IFRD1: variants seen among roughly 807,000 people sequenced by gnomAD.
IFRD1 encodes the protein interferon related developmental regulator 1, also known as interferon-related developmental regulator 1.
A neutral mutation model predicts 52.9 loss-of-function variants in IFRD1; 35 were observed. The ratio of observed to expected loss-of-function variants is 0.66; its 90% confidence interval spans 0.51 to 0.88. The LOEUF (loss-of-function observed/expected upper bound fraction) is 0.88. Ranked by LOEUF, IFRD1 falls within the 40% of genes least tolerant of loss-of-function variation. The pLI is 0.00. For missense variants in IFRD1, 517 were observed against 550.8 expected, an observed-to-expected ratio of 0.94 and a Z score of 0.61; for synonymous variants, 184 against 188.4, an observed-to-expected ratio of 0.98 and a Z score of 0.19.
At position 112,476,639 on chromosome 7, in the gene IFRD1, C is replaced by T. The variant is rs1795910703; in HGVS notation, c.*1120C>T. ...ACTCCAGCCTGGGTGACGAGTGAGACCTTGTCTCAAAAGCAAAACAAAAAA... is the reference window on the plus strand; with the variant it reads ...ACTCCAGCCTGGGTGACGAGTGAGATCTTGTCTCAAAAGCAAAACAAAAAA... On this transcript the variant is annotated 3_prime_UTR_variant, in exon 12 of 12. Coordinates refer to ENST00000403825, the MANE Select transcript of IFRD1 (RefSeq NM_001550.4). 1 of 152,116 alleles carries T rather than the reference C, an allele frequency of 6.6e-6. No homozygotes were observed. The highest frequency in any genetic ancestry group is 1.5e-5 in the Non-Finnish European group (1 of 68,034). 9.4% of individuals were successfully genotyped at this position (152,116 alleles called of 1,614,324 possible).
In IFRD1 at chr7:112,434,150, C is replaced by T. The variant is rs181418285; in HGVS notation, c.-182+10718C>T. 9.3e-4 allele frequency among the ~76,000 whole-genome samples: 142 copies of T among 152,238 alleles called. 1 individual carries two copies. Among genetic ancestry groups the T allele is most frequent in the Non-Finnish European group, 7.4e-5 (5 of 68,024 alleles). ...CTTATTTTTTAATTGATGAGCATGT[C>T]TTGCTCTCTGTTCGAGGTATTTTAA... On this transcript the variant is annotated intron_variant, in intron 1 of 12. Transcript: ENST00000005558.
chr7:112,461,612 G>A (rs938283749), intron 5 of IFRD1: 4 of 256,736 alleles, frequency 1.6e-5, no homozygotes, highest in Non-Finnish European at 2.9e-5. Context: ...ATCAATAAAA[G>A]AAGACTGAAG....
chr7:112,423,489 G>A (rs1475881464), intron 1 of IFRD1: 1 of 152,172 alleles, frequency 6.6e-6, no homozygotes. Context: ...TGTTAAATTG[G>A]TCAAGGACTA....
rs1313873182 is a variant in IFRD1, at chr7:112,462,276, C to G, written c.804C>G (p.Phe268Leu). 6.2e-7 allele frequency: 1 copy of G among 1,613,144 alleles called. No homozygotes were observed. Among genetic ancestry groups the G allele is most frequent in the East Asian group, 2.2e-5 (1 of 44,858 alleles). ...ATGACTAACTATTTTTTAGGCATTT[C>G]CATAAGCTTCCAAGCCTCCTCTCTT... The part of the protein sequence containing the change: ...NEVKKKLEMH[F>L]HKLPSLLSCD... The change falls in exon 8 of 12, where the codon TTC (phenylalanine) becomes TTG (leucine). Residue 268 changes from phenylalanine (F) to leucine (L), a missense_variant. By Grantham distance (22) the Phe-to-Leu change is conservative. Coordinates refer to ENST00000403825, the MANE Select transcript of IFRD1 (RefSeq NM_001550.4).
chr7:112,442,546 A>G (rs1393731557), intron 1 of IFRD1, among the ~76,000 whole-genome samples: 4 of 152,172 alleles, frequency 2.6e-5, no homozygotes. Flanking sequence ...CTCTCCAGGG[A>G]GCCTATGGAC....
At position 112,423,802 on chromosome 7, in the gene IFRD1, G is replaced by A. The variant is rs112378294; in HGVS notation, c.-182+370G>A. Among the ~76,000 whole-genome samples the A allele has an allele frequency of 1.9e-4, 29 of 152,260 alleles. 2 individuals carry two copies. The highest frequency in any genetic ancestry group is 4.3e-4 in the African/African-American group (18 of 41,552). ...GCTCATGTAACATCTTTTCAAGATC[G>A]ACATGCTTTGTTATCTCCATTTTTC... On this transcript the variant is annotated intron_variant, in intron 1 of 12. Coordinates refer to the IFRD1 transcript ENST00000005558.
intron 8 of IFRD1, among the ~76,000 whole-genome samples, chr7:112,466,475 G>A (rs957240967): frequency 6.6e-6 from 1 of 152,068 alleles, no homozygotes; most frequent in Non-Finnish European, 1.5e-5. Flanking sequence ...GGTGGGGGCT[G>A]TCTTGTGCAT....
At chr7:112,455,740 C>T (rs1458780502) in intron 1 of IFRD1, 23 bp from the exon 2 acceptor site, 1 of 1,478,778 alleles carries the variant, frequency 6.8e-7, no homozygotes, top group East Asian at 2.3e-5. Context: ...AATAATTTAC[C>T]TCTTTCCTCT....
In IFRD1 at chr7:112,450,725, G is replaced by T. The variant is rs1478053739; in HGVS notation, c.37G>T (p.Gly13Cys). The T allele has an allele frequency of 6.2e-7, 1 of 1,612,926 alleles. No individual in the cohort carries two copies. The highest frequency in any genetic ancestry group is 8.5e-7 in the Non-Finnish European group (1 of 1,179,896). The part of the protein sequence containing the change: ...KNKKRNTPHR[G>C]SSAGGGGSGA... Reference sequence around the variant, plus strand: ...CAAGAAGCGGAACACTCCCCACCGCGGTAGCAGTGCTGGCGGCGGCGGGTC... The same window carrying T: ...CAAGAAGCGGAACACTCCCCACCGCTGTAGCAGTGCTGGCGGCGGCGGGTC... Residue 13 changes from glycine (G) to cysteine (C), a missense_variant, in exon 1 of 12, where the codon GGT becomes TGT. Physicochemically the swap from Gly to Cys is radical, Grantham distance 159. Coordinates refer to ENST00000403825, the MANE Select transcript of IFRD1 (RefSeq NM_001550.4).
At chr7:112,436,580 A>G (rs1794698976) in intron 1 of IFRD1, among the ~76,000 whole-genome samples, 1 of 152,128 alleles carries the variant, frequency 6.6e-6, no homozygotes, top group Non-Finnish European at 1.5e-5. Flanking sequence ...AGATGAATAA[A>G]GCAGAACCTC....
At chr7:112,470,809 T>A (rs1192456159) in intron 9 of IFRD1, among the ~76,000 whole-genome samples, 1 of 152,214 alleles carries the variant, frequency 6.6e-6, no homozygotes, top group Non-Finnish European at 1.5e-5. Flanking sequence ...TGTAAATAGT[T>A]GTTATACTTT....
chr7:112,436,257 T>C (rs1794688412), intron 1 of IFRD1, among the ~76,000 whole-genome samples: 1 of 152,224 alleles, frequency 6.6e-6, no homozygotes, highest in Non-Finnish European at 1.5e-5. Context: ...CCTTAAAATT[T>C]TCTTTTTAAA....
At chr7:112,467,903 A>T (rs765230541) in intron 8 of IFRD1, 78 bp from the exon 9 acceptor site, 2 of 1,336,892 alleles carry the variant, frequency 1.5e-6, no homozygotes, top group Non-Finnish European at 2.1e-6. Context: ...CCAAATGTAG[A>T]CTGTTCTTTG....
chr7:112,453,351 G>T (rs1213311345), intron 1 of IFRD1, among the ~76,000 whole-genome samples: 3 of 152,170 alleles, frequency 2.0e-5, no homozygotes, highest in African/African-American at 7.2e-5. Context: ...TGTGCCTAGA[G>T]TGCCATCTCT....
At chr7:112,450,403 CAG>C (rs1795121551), upstream of IFRD1, 22 of 478,764 alleles carry the variant, frequency 4.6e-5, no homozygotes, top group South Asian at 2.7e-4. Context: ...GCCCCGCCCA[CAG>C]AGTGACGTCA....
intron 1 of IFRD1, 104 bp downstream of exon 1, chr7:112,450,886 T>G: frequency 1.2e-6 from 1 of 812,452 alleles, no homozygotes; most frequent in Non-Finnish European, 2.1e-6. Context: ...GATGTACACA[T>G]TTGCATTTCC....
At chr7:112,465,330 G>A (rs1209978174) in intron 8 of IFRD1, among the ~76,000 whole-genome samples, 7 of 152,132 alleles carry the variant, frequency 4.6e-5, no homozygotes, top group African/African-American at 1.7e-4. Flanking sequence ...CTTGGGGAAT[G>A]GTTAGCTTTT....
At chr7:112,432,926 T>C (rs531146182) in intron 1 of IFRD1, among the ~76,000 whole-genome samples, 10 of 152,344 alleles carry the variant, frequency 6.6e-5, no homozygotes, top group African/African-American at 1.9e-4. Context: ...GAAAACACAA[T>C]ATAAATAGAA....
intron 1 of IFRD1, among the ~76,000 whole-genome samples, chr7:112,425,908 A>G (rs1164659196): frequency 3.3e-5 from 5 of 152,156 alleles, no homozygotes; most frequent in Non-Finnish European, 5.9e-5. Context: ...GCACTTTTTC[A>G]TCTTCACTTG....
Sources: gnomAD v4.1 joint callset for allele counts (sites outside exome capture counted in the v4.1 genomes callset) on GRCh38, gnomAD v4.1.1 for gene constraint, MANE v1.5 for transcripts, NCBI Gene and HGNC (gene_info 2026-07-23, HGNC 2026-07-21) for gene names.